The following EPHA3 variants were observed in gnomAD, a reference collection of about 807,000 sequenced individuals.
EPHA3 encodes ephrin type-A receptor 3.
Under a neutral mutation model 107.1 loss-of-function variants are expected in EPHA3, and 42 were observed. The ratio of observed to expected loss-of-function variants is 0.39; its 90% CI spans 0.31 to 0.51. EPHA3 has a LOEUF of 0.51. Among genes scored for constraint, EPHA3 ranks in the 20% least tolerant of loss-of-function variants. The pLI is 0.78. For missense variants in EPHA3, 1,183 were observed against 1,211.2 expected, an observed-to-expected ratio of 0.98 and a Z score of 0.35; for synonymous variants, 461 against 424.8, an observed-to-expected ratio of 1.09 and a Z score of -1.05.
chr3:89,348,010 G>T (rs1478345384), intron 5 of EPHA3, among the ~76,000 whole-genome samples: 1 of 150,526 alleles, frequency 6.6e-6, no homozygotes, highest in Admixed American at 6.7e-5. Flanking sequence ...TGCTGGATTC[G>T]ATTTGCCAGT....
chr3:89,254,316 C>T (rs1408429446), intron 3 of EPHA3, among the ~76,000 whole-genome samples: 4 of 152,084 alleles, frequency 2.6e-5, no homozygotes, highest in Admixed American at 2.0e-4. Context: ...GTCAATAATC[C>T]TTGTACATTT....
chr3:89,217,096 C>A (rs978376607), intron 3 of EPHA3, among the ~76,000 whole-genome samples: 2 of 152,106 alleles, frequency 1.3e-5, no homozygotes, highest in African/African-American at 4.8e-5. Flanking sequence ...AGAGTTTTGA[C>A]AATCCCTTAT....
chr3:89,288,136 A>G (rs190126377), intron 3 of EPHA3, among the ~76,000 whole-genome samples: 24 of 152,172 alleles, frequency 1.6e-4, no homozygotes, highest in African/African-American at 4.6e-4. Context: ...GCAATTACAA[A>G]TTTAAAAAAA....
intron 11 of EPHA3, among the ~76,000 whole-genome samples, chr3:89,422,126 T>C (rs1709363535): frequency 6.6e-6 from 1 of 150,858 alleles, no homozygotes; most frequent in Non-Finnish European, 1.5e-5. Context: ...AAGCTCTTAG[T>C]CTGGCACCCG....
At chr3:89,178,667 T>G (rs1705370060) in intron 2 of EPHA3, among the ~76,000 whole-genome samples, 2 of 151,970 alleles carry the variant, frequency 1.3e-5, no homozygotes, top group South Asian at 4.1e-4. Flanking sequence ...TTATTAATTC[T>G]GAATAATATA....
intron 3 of EPHA3, among the ~76,000 whole-genome samples, chr3:89,310,296 A>G (rs1706733153): frequency 6.6e-6 from 1 of 152,124 alleles, no homozygotes; most frequent in Non-Finnish European, 1.5e-5. Flanking sequence ...ATAGCTTTAA[A>G]GGAAAAATAG....
intron 3 of EPHA3, among the ~76,000 whole-genome samples, chr3:89,225,627 C>T (rs1272790936): frequency 6.6e-6 from 1 of 152,178 alleles, no homozygotes; most frequent in Non-Finnish European, 1.5e-5. Flanking sequence ...CTTACAAATA[C>T]ATCCCCTAGG....
intron 2 of EPHA3, among the ~76,000 whole-genome samples, chr3:89,131,575 T>C (rs1282022528): frequency 6.6e-6 from 1 of 152,158 alleles, no homozygotes; most frequent in Non-Finnish European, 1.5e-5. Flanking sequence ...TTTCACTTAG[T>C]ATAGTATTGA....
chr3:89,456,921 G>C (rs535836518), intron 15 of EPHA3, among the ~76,000 whole-genome samples: 64 of 152,240 alleles, frequency 4.2e-4, no homozygotes, highest in Non-Finnish European at 6.9e-4. Context: ...ACCAGATGTA[G>C]CTTCCATCCT....
At chr3:89,209,122 A>C (rs1706200407) in intron 2 of EPHA3, among the ~76,000 whole-genome samples, 1 of 152,212 alleles carries the variant, frequency 6.6e-6, no homozygotes, top group African/African-American at 2.4e-5. Context: ...TTGTTCTAAG[A>C]TAACCTTAAC....
At chr3:89,350,228 A>C (rs1395697467) in intron 5 of EPHA3, among the ~76,000 whole-genome samples, 2 of 150,588 alleles carry the variant, frequency 1.3e-5, no homozygotes, top group African/African-American at 4.9e-5. Context: ...ACTTGGTTCC[A>C]TTCTCCCCGT....
intron 2 of EPHA3, among the ~76,000 whole-genome samples, chr3:89,198,738 C>G (rs1250763974): frequency 2.6e-5 from 4 of 152,166 alleles, no homozygotes; most frequent in African/African-American, 4.8e-5. Flanking sequence ...ACCGGGAGTG[C>G]TCCGCAGGTA....
At chr3:89,471,167 A>G (rs1710393113) in intron 15 of EPHA3, among the ~76,000 whole-genome samples, 1 of 146,894 alleles carries the variant, frequency 6.8e-6, no homozygotes, top group African/African-American at 2.4e-5. Flanking sequence ...GAGGCCACTA[A>G]GAGCTGAAGA....
At chr3:89,439,214 CT>C (rs1709733399) in intron 13 of EPHA3, among the ~76,000 whole-genome samples, 1 of 152,186 alleles carries the variant, frequency 6.6e-6, no homozygotes, top group Non-Finnish European at 1.5e-5. Flanking sequence ...AATAATTGCA[CT>C]GATTCCAAGA....
chr3:89,211,280 C>A (rs1307773674), intron 3 of EPHA3, among the ~76,000 whole-genome samples: 2 of 151,862 alleles, frequency 1.3e-5, no homozygotes, highest in Non-Finnish European at 2.9e-5. Context: ...ATTAAAATAT[C>A]ATTTTATATA....
intron 13 of EPHA3, among the ~76,000 whole-genome samples, chr3:89,440,750 T>C (rs569653398): frequency 1.4e-4 from 21 of 152,292 alleles, no homozygotes; most frequent in Non-Finnish European, 2.9e-4. Context: ...AGTTTAGCAG[T>C]TATGTAGTGC....
intron 5 of EPHA3, among the ~76,000 whole-genome samples, chr3:89,371,365 C>G (rs960556056): frequency 1.3e-5 from 2 of 151,730 alleles, no homozygotes; most frequent in Non-Finnish European, 1.5e-5. Context: ...AATGAACATG[C>G]CCTTAACTAT....
At chr3:89,161,718 C>T (rs1704946911) in intron 2 of EPHA3, among the ~76,000 whole-genome samples, 1 of 151,932 alleles carries the variant, frequency 6.6e-6, no homozygotes, top group African/African-American at 2.4e-5. Flanking sequence ...TGATTTATGC[C>T]TGTAATCCCA....
intron 3 of EPHA3, among the ~76,000 whole-genome samples, chr3:89,340,013 G>C (rs1204902302): frequency 6.6e-6 from 1 of 152,128 alleles, no homozygotes; most frequent in Non-Finnish European, 1.5e-5. Flanking sequence ...TTATAAAAAT[G>C]CATCAAAAGA....
Sources: gnomAD v4.1 joint callset for allele counts (sites outside exome capture counted in the v4.1 genomes callset) on GRCh38, gnomAD v4.1.1 for gene constraint, MANE v1.5 for transcripts, NCBI Gene and HGNC (gene_info 2026-07-23, HGNC 2026-07-21) for gene names.